The following RBFOX1 variants were observed in gnomAD, a reference collection of about 807,000 sequenced individuals.
The protein encoded by RBFOX1 is RNA binding fox-1 homolog 1.
In RBFOX1, 8 loss-of-function variants were observed where a neutral mutation model predicts 57.7. That is an observed-to-expected ratio of 0.14 (90% CI 0.08 to 0.25). RBFOX1 has a LOEUF of 0.25. RBFOX1 is among the 10% of genes least tolerant of loss of function. The pLI is 1.00. For missense variants in RBFOX1, 611 were observed against 548.5 expected (o/e 1.11, Z -1.14); for synonymous variants, 326 against 222.4 (o/e 1.47, Z -4.15).
intron 4 of RBFOX1, among the ~76,000 whole-genome samples, chr16:7,316,626 C>G (rs902790638): frequency 5.9e-5 from 9 of 152,106 alleles, no homozygotes; most frequent in South Asian, 2.1e-4. Flanking sequence ...CATCACATAA[C>G]TGTGCCTTGC....
At chr16:6,543,661 C>T (rs754755446) in intron 2 of RBFOX1, among the ~76,000 whole-genome samples, 31 of 152,210 alleles carry the variant, frequency 2.0e-4, no homozygotes, top group Admixed American at 3.9e-4. Flanking sequence ...TGGAAAGAGG[C>T]ACCTTGGCAG....
intron 1 of RBFOX1, among the ~76,000 whole-genome samples, chr16:5,403,607 G>C (rs1023809584): frequency 6.6e-6 from 1 of 152,030 alleles, no homozygotes; most frequent in African/African-American, 2.4e-5. Flanking sequence ...ACCATGCCCA[G>C]CTAATTTTTT....
At chr16:5,670,523 C>T (rs1378122405) in intron 3 of RBFOX1, among the ~76,000 whole-genome samples, 1 of 152,200 alleles carries the variant, frequency 6.6e-6, no homozygotes, top group Admixed American at 6.5e-5. Context: ...TCTTAAGCCA[C>T]AAGCCCTGAT....
intron 4 of RBFOX1, among the ~76,000 whole-genome samples, chr16:5,896,565 G>C (rs578028777): frequency 6.6e-6 from 1 of 152,124 alleles, no homozygotes; most frequent in Non-Finnish European, 1.5e-5. Flanking sequence ...CATGCTTCTT[G>C]TACAGCTTGC....
intron 1 of RBFOX1, chr16:6,092,320 C>T (rs547479931): frequency 6.6e-6 from 1 of 152,206 alleles, no homozygotes; most frequent in African/African-American, 2.4e-5. Flanking sequence ...GATGGTGAAA[C>T]TGAGAGACAG....
intron 4 of RBFOX1, among the ~76,000 whole-genome samples, chr16:7,462,932 A>G (rs2059843891): frequency 1.3e-5 from 2 of 152,238 alleles, no homozygotes; most frequent in African/African-American, 4.8e-5. Context: ...CCACCCAGGT[A>G]GTTCAGCTCT....
At chr16:7,089,074 T>C (rs145941438) in intron 4 of RBFOX1, among the ~76,000 whole-genome samples, 1,631 of 152,314 alleles carry the variant, frequency 0.011, 15 homozygotes, top group Non-Finnish European at 0.016. Flanking sequence ...CCTTGTCATT[T>C]ACACCCTTGC....
chr16:5,934,998 T>C (rs1597855239), intron 4 of RBFOX1, among the ~76,000 whole-genome samples: 1 of 152,188 alleles, frequency 6.6e-6, no homozygotes, highest in East Asian at 1.9e-4. Flanking sequence ...GTCCTGCATC[T>C]GCAGAATATC....
chr16:7,478,959 C>G (rs1262718544), intron 4 of RBFOX1, among the ~76,000 whole-genome samples: 1 of 152,030 alleles, frequency 6.6e-6, no homozygotes, highest in Non-Finnish European at 1.5e-5. Context: ...GCGGACCGAA[C>G]ACGGTATTAG....
intron 3 of RBFOX1, among the ~76,000 whole-genome samples, chr16:6,916,069 C>A (rs1453802280): frequency 2.0e-5 from 3 of 152,102 alleles, no homozygotes; most frequent in Non-Finnish European, 2.9e-5. Context: ...ACTCCCCAGA[C>A]CCAGGGCTTA....
chr16:5,591,059 C>A (rs2046990058), intron 2 of RBFOX1, among the ~76,000 whole-genome samples: 1 of 151,412 alleles, frequency 6.6e-6, no homozygotes, highest in Non-Finnish European at 1.5e-5. Context: ...TGAAGCCTTA[C>A]CCAAAGGGTT....
chr16:6,408,933 CT>C (rs2093371942), intron 2 of RBFOX1, among the ~76,000 whole-genome samples: 1 of 152,018 alleles, frequency 6.6e-6, no homozygotes, highest in South Asian at 2.1e-4. Flanking sequence ...TTATCATTTT[CT>C]TTTGGTGTCG....
intron 4 of RBFOX1, among the ~76,000 whole-genome samples, chr16:7,101,427 G>T (rs1355901113): frequency 1.3e-5 from 2 of 152,166 alleles, no homozygotes; most frequent in Non-Finnish European, 2.9e-5. Context: ...GGTAATAGTG[G>T]TTACATAATA....
chr16:6,310,858 C>T (rs921309147), intron 1 of RBFOX1, among the ~76,000 whole-genome samples: 2 of 150,150 alleles, frequency 1.3e-5, no homozygotes, highest in Non-Finnish European at 3.0e-5. Flanking sequence ...TCAGCCAGGA[C>T]TCCCTGAAGC....
chr16:6,331,423 G>C (rs2083010641), intron 2 of RBFOX1, among the ~76,000 whole-genome samples: 1 of 149,022 alleles, frequency 6.7e-6, no homozygotes, highest in Non-Finnish European at 1.5e-5. Flanking sequence ...CTTCATCCTG[G>C]GTGACAGAAT....
At chr16:5,642,634 C>A (rs2048918867) in intron 3 of RBFOX1, among the ~76,000 whole-genome samples, 1 of 152,136 alleles carries the variant, frequency 6.6e-6, no homozygotes, top group African/African-American at 2.4e-5. Context: ...AGCCACCCAG[C>A]CTCATGTCCT....
chr16:5,849,292 T>C (rs1471383338), intron 3 of RBFOX1, among the ~76,000 whole-genome samples: 1 of 152,144 alleles, frequency 6.6e-6, no homozygotes, highest in Non-Finnish European at 1.5e-5. Flanking sequence ...CATGTGGATT[T>C]GGGAAATGGC....
At chr16:7,089,428 G>C (rs1305662584) in intron 4 of RBFOX1, among the ~76,000 whole-genome samples, 1 of 152,082 alleles carries the variant, frequency 6.6e-6, no homozygotes, top group East Asian at 1.9e-4. Flanking sequence ...AGTCACGTGG[G>C]ATTGTCGCCT....
intron 3 of RBFOX1, among the ~76,000 whole-genome samples, chr16:6,716,935 G>A (rs2064947907): frequency 6.6e-6 from 1 of 152,176 alleles, no homozygotes; most frequent in African/African-American, 2.4e-5. Context: ...GTCTTTGGAA[G>A]GCCATTATAT....
Sources: allele counts gnomAD v4.1 joint callset (sites outside exome capture counted in the v4.1 genomes callset), GRCh38; gene constraint gnomAD v4.1.1; transcripts MANE v1.5; gene names NCBI Gene and HGNC (gene_info 2026-07-23, HGNC 2026-07-21).